Variants in GRK5 observed in about 807,000 individuals in gnomAD.
GRK5 encodes the protein G protein-coupled receptor kinase 5.
In GRK5, 40 loss-of-function variants were observed where a neutral mutation model predicts 78.4. That is an observed-to-expected ratio of 0.51 (90% CI 0.40 to 0.66). GRK5 has a LOEUF of 0.66. Among genes scored for constraint, GRK5 ranks in the 30% least tolerant of loss-of-function variants. The probability of loss-of-function intolerance (pLI) is 0.00; values close to 1 mark genes in which losing one functional copy is unlikely to be tolerated. For missense variants in GRK5, 598 were observed against 759.9 expected, an observed-to-expected ratio of 0.79 and a Z score of 2.50; for synonymous variants, 289 against 296.8, an observed-to-expected ratio of 0.97 and a Z score of 0.27.
rs1363875425 is a variant in GRK5, at chr10:119,207,646, TG to T, written c.-266del. 3.5e-5 allele frequency: 6 copies of T among 169,744 alleles called. No individual in the cohort carries two copies. The highest frequency in any genetic ancestry group is 1.7e-4 in the East Asian group (1 of 5,756). The allele number at this position is 169,744 out of a possible 1,614,324, so 10.5% of individuals were successfully genotyped here. ...TGGAGTGACAGAGACACGCGGAGGG[TG>T]GGGGGTGGGGGGGAGCGTGTTGAGG... is the stretch of plus-strand genomic sequence containing the variant. On this transcript the variant is annotated 5_prime_UTR_variant, in exon 1 of 16. Transcript: ENST00000392870.
At chr10:119,223,985 C>A (rs1363323016) in intron 1 of GRK5, among the ~76,000 whole-genome samples, 1 of 151,958 alleles carries the variant, frequency 6.6e-6, no homozygotes, top group African/African-American at 2.4e-5. Context: ...AACTATGATA[C>A]CCACTGTAGA....
chr10:119,444,345 G>T lies in GRK5; in HGVS notation c.1266+593G>T, dbSNP rs1488884204. On this transcript the variant is annotated intron_variant, in intron 12 of 15. Transcript: ENST00000392870. ...CTGGGTGGGTGGGGCCAGATGGGGG[G>T]ACTGGAAGCCAGATAAGGAGTGACA... Among the ~76,000 whole-genome samples the T allele has an allele frequency of 3.9e-5, 6 of 152,176 alleles. No homozygotes were observed. In the East Asian group the frequency reaches 9.6e-4, roughly 24 times the overall value.
intron 2 of GRK5, among the ~76,000 whole-genome samples, chr10:119,380,557 G>A (rs1428440312): frequency 6.6e-6 from 1 of 152,242 alleles, no homozygotes; most frequent in Non-Finnish European, 1.5e-5. Flanking sequence ...CAGAACTGCT[G>A]GCATGTCCAT....
intron 1 of GRK5, among the ~76,000 whole-genome samples, chr10:119,306,954 T>A (rs1398135926): frequency 1.3e-5 from 2 of 152,052 alleles, no homozygotes; most frequent in African/African-American, 4.8e-5. Context: ...TGGCTCACTT[T>A]TTCTCCCTGG....
chr10:119,340,799 C>T (rs1850969441), intron 2 of GRK5, among the ~76,000 whole-genome samples: 1 of 152,202 alleles, frequency 6.6e-6, no homozygotes, highest in Non-Finnish European at 1.5e-5. Context: ...CAGTATTCCT[C>T]ACCTTAGCAG....
chr10:119,248,363 T>G (rs559456852), intron 1 of GRK5, among the ~76,000 whole-genome samples: 2 of 152,346 alleles, frequency 1.3e-5, no homozygotes, highest in South Asian at 4.1e-4. Flanking sequence ...TGTGTGTTGA[T>G]GTACAGCTTG....
At chr10:119,277,643 G>C (rs543125382) in intron 1 of GRK5, among the ~76,000 whole-genome samples, 2 of 152,044 alleles carry the variant, frequency 1.3e-5, no homozygotes, top group African/African-American at 2.4e-5. Flanking sequence ...ATCCATACCC[G>C]TGTGAATCTA....
chr10:119,295,608 G>T (rs2133712754), intron 1 of GRK5, among the ~76,000 whole-genome samples: 1 of 152,146 alleles, frequency 6.6e-6, no homozygotes, highest in Middle Eastern at 3.4e-3. Flanking sequence ...TATATATGAT[G>T]GAATACTACT....
intron 1 of GRK5, among the ~76,000 whole-genome samples, chr10:119,229,994 A>C (rs1848799227): frequency 6.6e-6 from 1 of 152,116 alleles, no homozygotes; most frequent in South Asian, 2.1e-4. Context: ...TTATGAGGTT[A>C]CGGGGTGTGA....
chr10:119,298,531 G>A (rs1010157490), intron 1 of GRK5, among the ~76,000 whole-genome samples: 2 of 152,144 alleles, frequency 1.3e-5, no homozygotes, highest in Non-Finnish European at 1.5e-5. Flanking sequence ...TAGCATTTTC[G>A]ATAGGTTTTA....
At chr10:119,447,970 G>A (rs896658487) in intron 12 of GRK5, among the ~76,000 whole-genome samples, 153 bp from the exon 13 acceptor site, 2 of 152,178 alleles carry the variant, frequency 1.3e-5, no homozygotes, top group African/African-American at 2.4e-5. Context: ...ACAGATGCAC[G>A]CCAAGACTCA....
intron 15 of GRK5, 148 bp downstream of exon 15, chr10:119,453,424 C>T: frequency 1.1e-6 from 1 of 894,166 alleles, no homozygotes; most frequent in East Asian, 2.6e-5. Context: ...TGATTATGTC[C>T]AAGGCCCCTG....
At chr10:119,317,069 C>T (rs1436888055) in intron 1 of GRK5, among the ~76,000 whole-genome samples, 2 of 152,128 alleles carry the variant, frequency 1.3e-5, no homozygotes, top group African/African-American at 4.8e-5. Context: ...TCTCAGGAAC[C>T]AGGGACAAAA....
chr10:119,347,303 A>G (rs1589757394), intron 2 of GRK5, among the ~76,000 whole-genome samples: 1 of 151,698 alleles, frequency 6.6e-6, no homozygotes, highest in East Asian at 1.9e-4. Flanking sequence ...GTGTGTATAC[A>G]TGCAAGTTTG....
chr10:119,295,565 A>G (rs1350238158), intron 1 of GRK5, among the ~76,000 whole-genome samples: 4 of 152,228 alleles, frequency 2.6e-5, no homozygotes, highest in Non-Finnish European at 5.9e-5. Context: ...ATGCCTGTCA[A>G]TCAATGAGTA....
At position 119,336,984 on chromosome 10, in the gene GRK5, A is replaced by G. The variant is rs927613329; in HGVS notation, c.148+10373A>G. Among the ~76,000 whole-genome samples, 1 of 152,168 alleles carries G rather than the reference A, an allele frequency of 6.6e-6. No individual in the cohort carries two copies. The highest frequency in any genetic ancestry group is 1.5e-5 in the Non-Finnish European group (1 of 68,022). On this transcript the variant is annotated intron_variant, in intron 2 of 15. Transcript: ENST00000392870. The surrounding 1 kb of genome is among the most constrained non-coding windows in gnomAD (Gnocchi z 4.5). ...GAAGGCACGAGCTCAGGCACATGCA[A>G]GATGCCCAGCGATACTGTCCGTGGG...
At chr10:119,290,692 A>T (rs565853595) in intron 1 of GRK5, among the ~76,000 whole-genome samples, 112 of 151,720 alleles carry the variant, frequency 7.4e-4, no homozygotes, top group African/African-American at 2.4e-3. Context: ...GTGGCTACCT[A>T]CTTGTCCTTC....
At chr10:119,231,929 C>G (rs563133289) in intron 1 of GRK5, among the ~76,000 whole-genome samples, 1 of 152,220 alleles carries the variant, frequency 6.6e-6, no homozygotes, top group East Asian at 1.9e-4. Context: ...GGAGGTTCCT[C>G]CAAAAACTAC....
At chr10:119,443,094 T>C (rs556233818) in intron 11 of GRK5, among the ~76,000 whole-genome samples, 3 of 152,214 alleles carry the variant, frequency 2.0e-5, no homozygotes, top group Non-Finnish European at 4.4e-5. Flanking sequence ...AACTATCTTT[T>C]CTGTATTTCT....
Sources: gnomAD v4.1 joint callset for allele counts (sites outside exome capture counted in the v4.1 genomes callset) on GRCh38, gnomAD v4.1.1 for gene constraint, Gnocchi (gnomAD v3.1) non-coding constraint, MANE v1.5 for transcripts, NCBI Gene and HGNC (gene_info 2026-07-23, HGNC 2026-07-21) for gene names.